SHCBP1: variants seen among roughly 807,000 people sequenced by gnomAD.
SHCBP1 encodes the protein SHC SH2 domain-binding protein 1.
A neutral mutation model predicts 75.1 loss-of-function variants in SHCBP1; 60 were observed. The observed-to-expected ratio is 0.80, with a 90% CI of 0.65 to 0.99. The LOEUF (loss-of-function observed/expected upper bound fraction) is 0.99. Ranked by LOEUF, SHCBP1 falls within the 50% of genes least tolerant of loss-of-function variation. The pLI, the probability that SHCBP1 is intolerant of heterozygous loss-of-function variation, is 0.00. For synonymous variants in SHCBP1, 290 were observed against 293.2 expected (o/e 0.99, Z 0.11); for missense variants, 709 against 809.4 (o/e 0.88, Z 1.50).
Position 46,611,767 on chromosome 16 carries a change from C to T in SHCBP1, c.597-3378G>A, listed in dbSNP as rs141128301. Among the ~76,000 whole-genome samples, 38 of 152,248 alleles carry T rather than the reference C, an allele frequency of 2.5e-4. No individual in the cohort carries two copies. In the East Asian group the frequency reaches 6.9e-3, roughly 28 times the overall value. Reference sequence around the variant, plus strand: ...AGTAACTGAGGACTTTATTACAATGCCTGGCCATGTCTTTTTGTGAGGTTC... The same window carrying T: ...AGTAACTGAGGACTTTATTACAATGTCTGGCCATGTCTTTTTGTGAGGTTC... On this transcript the variant is annotated intron_variant, in intron 4 of 12. Transcript: ENST00000303383.
intron 1 of SHCBP1, among the ~76,000 whole-genome samples, chr16:46,620,132 T>C (rs767249755): frequency 9.2e-5 from 14 of 152,354 alleles, no homozygotes; most frequent in Middle Eastern, 3.4e-3. Flanking sequence ...AGTGAATTAA[T>C]ATTTCCATCA....
chr16:46,603,908 A>T (rs1965282277), intron 7 of SHCBP1, 67 bp downstream of exon 7: 4 of 1,535,822 alleles, frequency 2.6e-6, no homozygotes, highest in Non-Finnish European at 2.6e-6. Flanking sequence ...ACTTTGTGGG[A>T]TTTGTGAAAA....
chr16:46,611,419 G>A lies in SHCBP1; in HGVS notation c.597-3030C>T, dbSNP rs996819303. Among the ~76,000 whole-genome samples, 6 of 152,332 alleles carry A rather than the reference G, an allele frequency of 3.9e-5. 1 individual carries two copies. Among genetic ancestry groups the A allele is most frequent in the Non-Finnish European group, 5.9e-5 (4 of 68,034 alleles). ...GTTTTGAAGTGGGTGATGGCAGGAG[G>A]TGCTCCTTATAATTTCCGCTTTGCA... On this transcript the variant is annotated intron_variant, in intron 4 of 12. Coordinates refer to ENST00000303383, the MANE Select transcript of SHCBP1 (RefSeq NM_024745.5).
rs1596692022 is a variant in SHCBP1, at chr16:46,617,709, C to T, written c.312G>A (p.Glu104=). The change falls in exon 3 of 13, where the codon GAG becomes GAA. Residue 104 remains glutamate, a synonymous_variant. Coordinates refer to ENST00000303383, the MANE Select transcript of SHCBP1 (RefSeq NM_024745.5). The part of the protein sequence containing the change: ...KASEVQEFTA[E]FLEKVLEPSG... ...ATGGCTCAAGGACCTTCTCCAAGAA[C>T]TCAGCTGTGAATTCCTGTACCTCAG... 5 of 1,613,044 alleles carry T rather than the reference C, an allele frequency of 3.1e-6. No individual in the cohort carries two copies. The highest frequency in any genetic ancestry group is 2.7e-5 in the African/African-American group (2 of 74,898).
chr16:46,603,510 G>A (rs373865131), intron 8 of SHCBP1, 29 bp downstream of exon 8: 11 of 1,613,532 alleles, frequency 6.8e-6, no homozygotes, highest in African/African-American at 2.7e-5. Flanking sequence ...TCACGTGTGA[G>A]AGTTTGGTTG....
Position 46,608,398 on chromosome 16 carries a change from G to A in SHCBP1, c.597-9C>T. 1 of 1,584,334 alleles carries A rather than the reference G, an allele frequency of 6.3e-7. No homozygotes were observed. On this transcript the variant is annotated splice_polypyrimidine_tract_variant and intron_variant, in intron 4 of 12. Transcript: ENST00000303383. ...TGTTTTGGTAGAAAAATCTGAAATG[G>A]AACTTAGTATCATTCAAATTCTATC...
chr16:46,595,672 T>G lies in SHCBP1; in HGVS notation c.1346-2A>C. ...GCGTAGTCTTACCACGGTGAACAAC[T>G]GGGATGAAAATACACGCTGACTGTT... On this transcript the variant is annotated splice_acceptor_variant, in intron 9 of 12. Transcript: ENST00000303383. LOFTEE classifies it high-confidence loss of function. The G allele has an allele frequency of 3.7e-6, 6 of 1,610,664 alleles. No individual in the cohort carries two copies. The highest frequency in any genetic ancestry group is 5.1e-6 in the Non-Finnish European group (6 of 1,177,120).
chr16:46,595,584 G>C lies in SHCBP1; in HGVS notation c.1432C>G (p.Leu478Val), dbSNP rs1596675875. 1.2e-6 allele frequency: 2 copies of C among 1,614,126 alleles called. No individual in the cohort carries two copies. The highest frequency in any genetic ancestry group is 1.7e-6 in the Non-Finnish European group (2 of 1,180,012). ...GVTVRTSAEF[L>V]MKNSDLYGAK... ...CCATATAAATCCGAGTTCTTCATTAGAAACTCTGCTGATGTCCGCACTGTG... is the reference window on the plus strand; with the variant it reads ...CCATATAAATCCGAGTTCTTCATTACAAACTCTGCTGATGTCCGCACTGTG... Residue 478 changes from leucine (L) to valine (V), a missense_variant, in exon 10 of 13, where the codon CTA becomes GTA. Physicochemically the swap from Leu to Val is conservative, Grantham distance 32. Coordinates refer to ENST00000303383, the MANE Select transcript of SHCBP1 (RefSeq NM_024745.5).
chr16:46,606,526 C>A (rs1965328524), intron 5 of SHCBP1, among the ~76,000 whole-genome samples: 1 of 152,206 alleles, frequency 6.6e-6, no homozygotes, highest in South Asian at 2.1e-4. Flanking sequence ...GCTATCAAAT[C>A]AGAATACAAT....
chr16:46,616,008 C>T lies in SHCBP1; in HGVS notation c.534G>A (p.Leu178=). 2 of 1,614,198 alleles carry T rather than the reference C, an allele frequency of 1.2e-6. No homozygotes were observed. The highest frequency in any genetic ancestry group is 1.1e-5 in the South Asian group (1 of 91,076). ...CTCCTGAATCATCAAACACCACCCACAGCTCCTGCAGGGGCAACCGATGCT... is the reference window on the plus strand; with the variant it reads ...CTCCTGAATCATCAAACACCACCCATAGCTCCTGCAGGGGCAACCGATGCT... ...LKEHRLPLQE[L]WVVFDDSGVF... is the part of the protein sequence containing the mutation. Residue 178 remains leucine (L), a synonymous_variant, in exon 4 of 13, where the codon CTG becomes CTA. Transcript: ENST00000303383. The surrounding 1 kb of genome is among the most constrained non-coding windows in gnomAD (Gnocchi z 4.4).
chr16:46,595,482 G>T, intron 10 of SHCBP1, 70 bp downstream of exon 10: 2 of 1,195,676 alleles, frequency 1.7e-6, no homozygotes, highest in South Asian at 1.2e-5. Context: ...ATACATCTTG[G>T]TCCCATATTT....
chr16:46,618,719 G>A (rs377516026), intron 1 of SHCBP1, among the ~76,000 whole-genome samples: 4 of 152,090 alleles, frequency 2.6e-5, no homozygotes, highest in South Asian at 2.1e-4. Context: ...ATAGCTCACC[G>A]CAACCTCAAA....
rs542932038 is a variant in SHCBP1, at chr16:46,614,073, T to C, written c.596+1873A>G. On this transcript the variant is annotated intron_variant, in intron 4 of 12. Transcript: ENST00000303383. ...ATCACTTTATCTTCAAATGCTTCAATTGACAGATTTTTTTTAATGAGAAAA... is the reference window on the plus strand; with the variant it reads ...ATCACTTTATCTTCAAATGCTTCAACTGACAGATTTTTTTTAATGAGAAAA... Among the ~76,000 whole-genome samples the C allele has an allele frequency of 1.1e-4, 16 of 152,340 alleles. No individual in the cohort carries two copies. In the East Asian group the frequency reaches 1.9e-3, roughly 18 times the overall value.
In SHCBP1 at chr16:46,621,226, C is replaced by T. The variant is rs373442530; in HGVS notation, c.103+31G>A. Reference sequence around the variant, plus strand: ...GACGCCCCAGGCCTCCGCTCAGAGGCGGCTCCTCGGCCCCGGCATGGAGAG... The same window carrying T: ...GACGCCCCAGGCCTCCGCTCAGAGGTGGCTCCTCGGCCCCGGCATGGAGAG... On this transcript the variant is annotated intron_variant, in intron 1 of 12. Coordinates refer to ENST00000303383, the MANE Select transcript of SHCBP1 (RefSeq NM_024745.5). The T allele has an allele frequency of 3.0e-4, 479 of 1,581,818 alleles. 1 individual carries two copies. The African/African-American group carries it at 5.9e-3, about 20-fold the overall frequency.
chr16:46,612,545 T>C (rs1333412729), intron 4 of SHCBP1, among the ~76,000 whole-genome samples: 1 of 152,142 alleles, frequency 6.6e-6, no homozygotes, highest in African/African-American at 2.4e-5. Flanking sequence ...GGCTCCCTTT[T>C]AGCCCTCAAA....
Position 46,616,107 on chromosome 16 carries a change from A to C in SHCBP1, c.435T>G (p.Ala145=), listed in dbSNP as rs778567842. ...FAALKAVVRL[A]EPYLCDSQVS... The stretch of plus-strand genomic sequence containing the variant: ...CTTGAGAGTCACAGAGGTATGGTTC[A>C]GCAAGCCTCACCACTGCCTTCAAGG... The change falls in exon 4 of 13, where the codon GCT becomes GCG. Residue 145 remains alanine (A), a synonymous_variant. Transcript: ENST00000303383. This position sits in a 1 kb window ranked among gnomAD's most constrained non-coding sequence, Gnocchi z 4.4. 1.2e-6 allele frequency: 2 copies of C among 1,614,226 alleles called. No homozygotes were observed. Among genetic ancestry groups the C allele is most frequent in the African/African-American group, 2.7e-5 (2 of 75,076 alleles).
At chr16:46,591,577 C>T (rs1965048488) in intron 10 of SHCBP1, among the ~76,000 whole-genome samples, 1 of 151,758 alleles carries the variant, frequency 6.6e-6, no homozygotes, top group Non-Finnish European at 1.5e-5. Context: ...GAGACTTCAA[C>T]ACCCCTCTCT....
intron 5 of SHCBP1, among the ~76,000 whole-genome samples, chr16:46,606,149 T>A (rs1965324477): frequency 6.6e-6 from 1 of 152,230 alleles, no homozygotes; most frequent in East Asian, 1.9e-4. Flanking sequence ...ATATTGATAC[T>A]TCATAGTCTA....
chr16:46,606,239 C>A (rs1256584607), intron 5 of SHCBP1, among the ~76,000 whole-genome samples: 1 of 152,122 alleles, frequency 6.6e-6, no homozygotes, highest in East Asian at 1.9e-4. Flanking sequence ...CCTTTAGTCA[C>A]ATATAAGCAG....
Sources: allele counts gnomAD v4.1 joint callset (sites outside exome capture counted in the v4.1 genomes callset), GRCh38; gene constraint gnomAD v4.1.1; non-coding constraint Gnocchi (gnomAD v3.1); transcripts MANE v1.5; gene names NCBI Gene and HGNC (gene_info 2026-07-23, HGNC 2026-07-21).